ANKRD27: variants seen among roughly 807,000 people sequenced by gnomAD.
The protein encoded by ANKRD27 is ankyrin repeat domain-containing protein 27.
A neutral mutation model predicts 129.7 loss-of-function variants in ANKRD27; 112 were observed. That is an observed-to-expected ratio of 0.86 (90% CI 0.74 to 1.01). The LOEUF (loss-of-function observed/expected upper bound fraction) is 1.01, where lower values mean the gene tolerates loss of function less well. Ranked by LOEUF, ANKRD27 falls within the 50% of genes least tolerant of loss-of-function variation. The pLI, the probability that ANKRD27 is intolerant of heterozygous loss-of-function variation, is 0.00. For missense variants in ANKRD27, 1,258 were observed against 1,300.5 expected (o/e 0.97, Z 0.50); for synonymous variants, 516 against 511.2 (o/e 1.01, Z -0.13).
rs77566663 is a variant in ANKRD27 at position 32,622,376 on chromosome 19, A to G, written c.1827+46T>C. The G allele has an allele frequency of 5.2e-3, 8,350 of 1,601,790 alleles. 243 individuals are homozygous for G. In the East Asian group the frequency reaches 0.085, roughly 16 times the overall value. On this transcript the variant is annotated intron_variant, in intron 18 of 28. Transcript: ENST00000306065. ...GCCAAGACCTAAGCTACGGACATCG[A>G]TCTTCTTTCGAAGTCATCTTGCCCC...
chr19:32,598,031 A>G lies in ANKRD27; in HGVS notation c.*114T>C. 1.0e-6 allele frequency: 1 copy of G among 970,768 alleles called. No homozygotes were observed. The highest frequency in any genetic ancestry group is 1.6e-6 in the Non-Finnish European group (1 of 641,218). The allele number at this position is 970,768 out of a possible 1,614,324, so 60.1% of individuals were successfully genotyped here. A position where few individuals can be genotyped will look rare whatever the true frequency, so the allele number is the denominator to read the frequency against. On this transcript the variant is annotated 3_prime_UTR_variant, in exon 29 of 29. Coordinates refer to ENST00000306065, the MANE Select transcript of ANKRD27 (RefSeq NM_032139.3). ...AGCTTTCAGGAACTTGGTGCTGAAG[A>G]CTTCTCAAGCCAGTCTCATGGAAGC...
intron 22 of ANKRD27, 62 bp from the exon 23 acceptor site, chr19:32,607,894 G>A: frequency 6.6e-7 from 1 of 1,513,108 alleles, no homozygotes; most frequent in South Asian, 1.2e-5. Flanking sequence ...GGGCTGGAGT[G>A]ATTGGCACCA....
At chr19:32,643,030 C>T in intron 9 of ANKRD27, 93 bp downstream of exon 9, 2 of 1,263,492 alleles carry the variant, frequency 1.6e-6, no homozygotes, top group East Asian at 2.3e-5. Flanking sequence ...ATCAAACCAG[C>T]GTGTCACCTC....
At chr19:32,642,535 C>T (rs574543474) in intron 9 of ANKRD27, among the ~76,000 whole-genome samples, 28 of 152,186 alleles carry the variant, frequency 1.8e-4, no homozygotes, top group Admixed American at 6.5e-4. Flanking sequence ...GTCAGGAGTT[C>T]AAGACCAGCC....
At chr19:32,662,653 G>T (rs559255343) in intron 1 of ANKRD27, among the ~76,000 whole-genome samples, 16 of 152,168 alleles carry the variant, frequency 1.1e-4, no homozygotes, top group African/African-American at 3.9e-4. Context: ...GACATGGGAG[G>T]ATCGCTTGAG....
At chr19:32,641,171 GATTA>G (rs1178990265) in intron 10 of ANKRD27, among the ~76,000 whole-genome samples, 3 of 151,592 alleles carry the variant, frequency 2.0e-5, no homozygotes, top group Non-Finnish European at 4.4e-5. Context: ...AAAGTGCTGG[GATTA>G]CAGGTGTGAG....
intron 17 of ANKRD27, 132 bp downstream of exon 17, chr19:32,625,742 T>C: frequency 1.3e-6 from 1 of 754,804 alleles, no homozygotes; most frequent in South Asian, 2.3e-5. Flanking sequence ...TAACATTCTT[T>C]CATATTAAAA....
intron 22 of ANKRD27, among the ~76,000 whole-genome samples, chr19:32,613,743 C>T: frequency 7.1e-6 from 1 of 140,280 alleles, no homozygotes; most frequent in Admixed American, 7.5e-5. Flanking sequence ...GAGTCTTGCT[C>T]TGTTGCCCAG....
chr19:32,671,283 G>A (rs1325418897), intron 1 of ANKRD27, among the ~76,000 whole-genome samples: 1 of 110,254 alleles, frequency 9.1e-6, no homozygotes, highest in African/African-American at 2.9e-5. Flanking sequence ...GGAAGACCCT[G>A]TCTCCAAAAA....
chr19:32,669,873 T>G (rs1205324511), intron 1 of ANKRD27, among the ~76,000 whole-genome samples: 1 of 151,802 alleles, frequency 6.6e-6, no homozygotes, highest in East Asian at 1.9e-4. Flanking sequence ...GATGGGCACC[T>G]GTAGTCCCAG....
At chr19:32,638,993 C>T (rs1041621930) in intron 12 of ANKRD27, 36 of 370,524 alleles carry the variant, frequency 9.7e-5, no homozygotes, top group African/African-American at 5.6e-4. Flanking sequence ...CAGAGGTTTC[C>T]GGCTGGAAAA....
At chr19:32,664,070 A>C in intron 1 of ANKRD27, among the ~76,000 whole-genome samples, 2 of 122,696 alleles carry the variant, frequency 1.6e-5, no homozygotes, top group South Asian at 4.4e-4. Flanking sequence ...AAAAAAAAAA[A>C]AAAAGAAAGA....
intron 2 of ANKRD27, among the ~76,000 whole-genome samples, chr19:32,654,739 C>T (rs736452): frequency 0.065 from 9,894 of 152,012 alleles, 553 homozygotes; most frequent in East Asian, 0.26. Context: ...GGTGCAATCC[C>T]ACTGCTGATC....
chr19:32,642,040 CTG>C lies in ANKRD27; in HGVS notation c.886_887del (p.Gln296ValfsTer14), dbSNP rs766468238. On this transcript the variant is annotated frameshift_variant, in exon 10 of 29. Coordinates refer to ENST00000306065, the MANE Select transcript of ANKRD27 (RefSeq NM_032139.3). LOFTEE classifies it high-confidence loss of function. The part of the protein sequence containing the change: ...CLRKVVQLIT[Q>X]SPSQRVNLET... ...AGCACAAACCTCTCTGGCTTGGAGA[CTG>C]TGTAATGAGCTGCACCACTTTTCGC... 4 of 1,602,668 alleles carry C rather than the reference CTG, an allele frequency of 2.5e-6. No homozygotes were observed. In the East Asian group the frequency reaches 6.7e-5, roughly 27 times the overall value.
rs947022696 is a variant in ANKRD27, at chr19:32,664,106, T to C, written c.-30-5061A>G. Among the ~76,000 whole-genome samples, 30 of 151,434 alleles carry C rather than the reference T, an allele frequency of 2.0e-4. 1 individual carries two copies. Among genetic ancestry groups the C allele is most frequent in the African/African-American group, 6.8e-4 (28 of 41,316 alleles). On this transcript the variant is annotated intron_variant, in intron 1 of 28. Transcript: ENST00000306065. ...AATAGGGTGCAATTAATTTTAATGA[T>C]ATATTTTATCTTAATATATCCAAAA...
chr19:32,657,133 G>A (rs1042321736), intron 2 of ANKRD27, among the ~76,000 whole-genome samples: 1 of 152,030 alleles, frequency 6.6e-6, no homozygotes, highest in African/African-American at 2.4e-5. Context: ...TTCAAGACCA[G>A]CTGGGACAAC....
In ANKRD27 at chr19:32,615,677, T is replaced by G. The variant is rs1187895988; in HGVS notation, c.2156A>C (p.Lys719Thr). ...EFCHPLCQCP[K>T]CAPAQKRLAK... ...CCAAACCTTCTGAGCTGGGGCACAC[T>G]TGGGGCACTGGCACAACGGGTGACA... The change falls in exon 22 of 29, where the codon AAG becomes ACG. Residue 719 changes from lysine (K) to threonine (T), a missense_variant. Transcript: ENST00000306065. 7 of 1,614,186 alleles carry G rather than the reference T, an allele frequency of 4.3e-6. No homozygotes were observed. The highest frequency in any genetic ancestry group is 5.9e-6 in the Non-Finnish European group (7 of 1,180,028).
At position 32,640,339 on chromosome 19, in the gene ANKRD27, T is replaced by C. The variant is rs756246697; in HGVS notation, c.951A>G (p.Leu317=). Residue 317 remains leucine, a synonymous_variant, in exon 11 of 29, where the codon TTA becomes TTG. Transcript: ENST00000306065. ...MCADDLLSVL[L]YLLVKTEIPN... is the part of the protein sequence containing the mutation. ...GGATCTCCGTTTTCACAAGCAAGTATAACAGGACTGATAGCAGATCATCAG... is the reference window on the plus strand; with the variant it reads ...GGATCTCCGTTTTCACAAGCAAGTACAACAGGACTGATAGCAGATCATCAG... 6.2e-7 allele frequency: 1 copy of C among 1,613,930 alleles called. No homozygotes were observed. Among genetic ancestry groups the C allele is most frequent in the Non-Finnish European group, 8.5e-7 (1 of 1,179,866 alleles).
At chr19:32,606,342 C>G (rs577204270) in intron 23 of ANKRD27, among the ~76,000 whole-genome samples, 1 of 151,906 alleles carries the variant, frequency 6.6e-6, no homozygotes, top group Non-Finnish European at 1.5e-5. Context: ...TCAGTAGAGA[C>G]GGGGTTTCAC....
Sources: gnomAD v4.1 joint callset for allele counts (sites outside exome capture counted in the v4.1 genomes callset) on GRCh38, gnomAD v4.1.1 for gene constraint, MANE v1.5 for transcripts, NCBI Gene and HGNC (gene_info 2026-07-23, HGNC 2026-07-21) for gene names.